Variants in SYNE1 observed in about 807,000 individuals in gnomAD.
SYNE1 encodes spectrin repeat containing nuclear envelope protein 1.
Under a neutral mutation model 1,111.0 loss-of-function variants are expected in SYNE1, and 616 were observed. The observed-to-expected ratio is 0.55, with a 90% CI of 0.52 to 0.59. The LOEUF (loss-of-function observed/expected upper bound fraction) is 0.59, where lower values mean the gene tolerates loss of function less well. Ranked by LOEUF, SYNE1 falls within the 20% of genes least tolerant of loss-of-function variation. The probability of loss-of-function intolerance (pLI) is 0.00; values close to 1 mark genes in which losing one functional copy is unlikely to be tolerated. For missense variants in SYNE1, 10,006 were observed against 10,417.0 expected, an observed-to-expected ratio of 0.96 and a Z score of 1.72; for synonymous variants, 3,855 against 3,825.8, an observed-to-expected ratio of 1.01 and a Z score of -0.28.
chr6:152,494,888 T>C (rs2098990731), intron 11 of SYNE1, among the ~76,000 whole-genome samples: 1 of 152,174 alleles, frequency 6.6e-6, no homozygotes, highest in Admixed American at 6.5e-5. Context: ...TATTCCTACT[T>C]ATGTCCCTCA....
At chr6:152,202,346 C>CAAAAAAAAAAAAA (rs35563822) in intron 126 of SYNE1, among the ~76,000 whole-genome samples, 2 of 48,042 alleles carry the variant, frequency 4.2e-5, no homozygotes, top group African/African-American at 6.5e-5. Flanking sequence ...GACTCTGTCT[C>CAAAAAAAAAAAAA]AAAAAAAAAA....
intron 127 of SYNE1, among the ~76,000 whole-genome samples, chr6:152,197,250 TA>T (rs1266980040): frequency 1.3e-5 from 2 of 152,252 alleles, no homozygotes; most frequent in Non-Finnish European, 2.9e-5. Context: ...CCTGATTTTT[TA>T]TTCTTATGAA....
At chr6:152,211,311 CA>C (rs2077485874) in intron 124 of SYNE1, among the ~76,000 whole-genome samples, 182 bp downstream of exon 124, 1 of 152,036 alleles carries the variant, frequency 6.6e-6, no homozygotes, top group Admixed American at 6.5e-5. Context: ...AGCAGCTCTC[CA>C]AAAAAGATTC....
intron 91 of SYNE1, among the ~76,000 whole-genome samples, chr6:152,306,903 CAA>C (rs973985274): frequency 0.15 from 8,849 of 60,120 alleles, 262 homozygotes; most frequent in Admixed American, 0.28. Context: ...GACTGTGTCT[CAA>C]AAAAAAAAAA....
In SYNE1 at chr6:152,488,460, T is replaced by C. The variant is rs1169565587; in HGVS notation, c.983A>G (p.Glu328Gly). 1 of 1,609,472 alleles carries C rather than the reference T, an allele frequency of 6.2e-7. No homozygotes were observed. The highest frequency in any genetic ancestry group is 1.1e-5 in the South Asian group (1 of 90,960). The change falls in exon 12 of 146, where the codon GAA becomes GGA. Residue 328 changes from glutamate (E) to glycine (G), a missense_variant. Physicochemically the swap from Glu to Gly is moderately conservative, Grantham distance 98. Coordinates refer to ENST00000367255, the MANE Select transcript of SYNE1 (RefSeq NM_182961.4). ...TCTTGTCAAATCTCTCTCAAATTGT[T>C]CTATCCAAACTTTCATTTCCTTAAA... ...VIFKEMKVWI[E>G]QFERDLTRAQ...
At chr6:152,587,821 T>C (rs2099545408) in intron 3 of SYNE1, among the ~76,000 whole-genome samples, 1 of 152,180 alleles carries the variant, frequency 6.6e-6, no homozygotes, top group African/African-American at 2.4e-5. Flanking sequence ...AGGATAGCCA[T>C]TAGTAATCAC....
At chr6:152,256,519 G>T in intron 102 of SYNE1, 115 bp downstream of exon 102, 1 of 1,353,552 alleles carries the variant, frequency 7.4e-7, no homozygotes, top group Non-Finnish European at 1.0e-6. Flanking sequence ...TATCACTAGT[G>T]TTGGGTCTCA....
At chr6:152,524,778 G>A (rs1217053834) in intron 5 of SYNE1, among the ~76,000 whole-genome samples, 3 of 152,094 alleles carry the variant, frequency 2.0e-5, no homozygotes, top group Non-Finnish European at 4.4e-5. Context: ...TTGGCAACTG[G>A]AACTCAGTCC....
chr6:152,323,886 C>T, intron 81 of SYNE1, 149 bp from the exon 82 acceptor site: 2 of 868,188 alleles, frequency 2.3e-6, no homozygotes, highest in East Asian at 2.6e-5. Flanking sequence ...ACCTGAGCAA[C>T]CTTCTTAACA....
chr6:152,293,217 T>C (rs2094696076), intron 95 of SYNE1, among the ~76,000 whole-genome samples: 1 of 152,194 alleles, frequency 6.6e-6, no homozygotes, highest in African/African-American at 2.4e-5. Flanking sequence ...CGAGAAAAGG[T>C]AGATTTGGAG....
At chr6:152,138,512 AAAATAAAT>A (rs200341649) in intron 140 of SYNE1, among the ~76,000 whole-genome samples, 29,176 of 141,694 alleles carry the variant, frequency 0.21, 3,082 homozygotes, top group Non-Finnish European at 0.22. Context: ...CTCTGTCTCA[AAAATAAAT>A]AAATAAATAA....
chr6:152,508,583 C>T lies in SYNE1; in HGVS notation c.581+1610G>A, dbSNP rs114652491. ...TTTAATGTCGTGTGAAGCAATGGAC[C>T]ACAGAATATCACCTTGACATTATTA... On this transcript the variant is annotated intron_variant, in intron 8 of 145. Coordinates refer to ENST00000367255, the MANE Select transcript of SYNE1 (RefSeq NM_182961.4). Among the ~76,000 whole-genome samples the T allele has an allele frequency of 9.5e-3, 1,443 of 152,092 alleles. 31 individuals are homozygous for T. The highest frequency in any genetic ancestry group is 0.033 in the African/African-American group (1,383 of 41,496).
At chr6:152,287,185 T>A (rs558245118) in intron 95 of SYNE1, among the ~76,000 whole-genome samples, 1 of 151,536 alleles carries the variant, frequency 6.6e-6, no homozygotes, top group South Asian at 2.1e-4. Flanking sequence ...TTTTCAAACT[T>A]TTTTTTTTGG....
At chr6:152,442,466 T>G (rs1356010178) in intron 30 of SYNE1, among the ~76,000 whole-genome samples, 2 of 152,246 alleles carry the variant, frequency 1.3e-5, no homozygotes, top group Non-Finnish European at 2.9e-5. Flanking sequence ...ATAAATAATT[T>G]GGCTTTCGTG....
chr6:152,371,243 A>G (rs2097174390), intron 59 of SYNE1, among the ~76,000 whole-genome samples: 1 of 151,966 alleles, frequency 6.6e-6, no homozygotes, highest in Admixed American at 6.6e-5. Context: ...GAGGTAATTG[A>G]ATCATGGGGG....
At chr6:152,430,087 T>C (rs752329886) in intron 36 of SYNE1, 25 bp downstream of exon 36, 3 of 1,385,512 alleles carry the variant, frequency 2.2e-6, no homozygotes, top group African/African-American at 1.7e-5. Context: ...TGGTAAATAG[T>C]AGAAATGTTG....
chr6:152,564,794 C>T (rs997128809), intron 3 of SYNE1, among the ~76,000 whole-genome samples: 2 of 152,114 alleles, frequency 1.3e-5, no homozygotes, highest in South Asian at 2.1e-4. Context: ...AGATCCGACT[C>T]GGGATCCCAG....
intron 12 of SYNE1, among the ~76,000 whole-genome samples, chr6:152,487,622 T>C (rs986859620): frequency 2.0e-5 from 3 of 152,192 alleles, no homozygotes; most frequent in African/African-American, 7.2e-5. Flanking sequence ...AATGCAATGG[T>C]GTTGGACTAG....
chr6:152,357,288 C>T (rs1327617864), intron 66 of SYNE1, among the ~76,000 whole-genome samples: 1 of 152,148 alleles, frequency 6.6e-6, no homozygotes, highest in Non-Finnish European at 1.5e-5. Flanking sequence ...CAATCCCAAC[C>T]CCATTCTCTT....
Sources: allele counts gnomAD v4.1 joint callset (sites outside exome capture counted in the v4.1 genomes callset), GRCh38; gene constraint gnomAD v4.1.1; transcripts MANE v1.5; gene names NCBI Gene and HGNC (gene_info 2026-07-23, HGNC 2026-07-21).